The following CCNK variants were observed in gnomAD, a reference collection of about 807,000 sequenced individuals.
CCNK encodes the protein cyclin K.
A neutral mutation model predicts 65.0 loss-of-function variants in CCNK; 9 were observed. The observed-to-expected ratio is 0.14, with a 90% CI of 0.08 to 0.24. The LOEUF is 0.24. CCNK is among the 10% of genes least tolerant of loss of function. The pLI is 1.00. For synonymous variants in CCNK, 279 were observed against 270.8 expected (o/e 1.03, Z -0.30); for missense variants, 474 against 720.0 (o/e 0.66, Z 3.91).
At chr14:99,502,648 A>AT (rs1896863256) in intron 7 of CCNK, 71 bp from the exon 8 acceptor site, 3 of 1,454,434 alleles carry the variant, frequency 2.1e-6, no homozygotes, top group Non-Finnish European at 2.9e-6. Flanking sequence ...ATCATAACTG[A>AT]TTCTTTATCC....
At chr14:99,501,596 T>C in intron 6 of CCNK, 183 bp downstream of exon 6, 1 of 580,202 alleles carries the variant, frequency 1.7e-6, no homozygotes, top group East Asian at 2.9e-5. Context: ...GAGGGTTTCC[T>C]TCTGCCCTGC....
chr14:99,494,531 T>A (rs746282451), intron 3 of CCNK: 3 of 152,202 alleles, frequency 2.0e-5, no homozygotes, highest in Non-Finnish European at 2.9e-5. Context: ...GAGACCATGT[T>A]GGAATCAGTT....
intron 1 of CCNK, among the ~76,000 whole-genome samples, chr14:99,487,623 A>G (rs1896518005): frequency 6.6e-6 from 1 of 152,254 alleles, no homozygotes; most frequent in Non-Finnish European, 1.5e-5. Context: ...GTCATCGCAC[A>G]GTCCTTCAAA....
intron 1 of CCNK, chr14:99,491,860 C>T (rs79272147): frequency 6.6e-6 from 1 of 152,250 alleles, no homozygotes; most frequent in Admixed American, 6.5e-5. Context: ...GTCTCTGATC[C>T]AGGTTACAAA....
rs765350035 is a variant in CCNK at position 99,500,746 on chromosome 14, C to T, written c.412-20C>T. 2 of 1,448,608 alleles carry T rather than the reference C, an allele frequency of 1.4e-6. No homozygotes were observed. The highest frequency in any genetic ancestry group is 1.2e-5 in the South Asian group (1 of 81,942). 89.7% of individuals were successfully genotyped at this position (1,448,608 alleles called of 1,614,324 possible). A position where few individuals can be genotyped will look rare whatever the true frequency, so the allele number is the denominator to read the frequency against. ...CCTGCAATTGTAATTACTGTCCTAACATTTGTGATTGATTTTTAGGAGGAA... is the reference window on the plus strand; with the variant it reads ...CCTGCAATTGTAATTACTGTCCTAATATTTGTGATTGATTTTTAGGAGGAA... On this transcript the variant is annotated intron_variant, in intron 4 of 10. Coordinates refer to ENST00000389879, the MANE Select transcript of CCNK (RefSeq NM_001099402.2).
At chr14:99,496,736 C>CT (rs1214677674) in intron 4 of CCNK, among the ~76,000 whole-genome samples, 2 of 149,328 alleles carry the variant, frequency 1.3e-5, no homozygotes, top group Non-Finnish European at 3.0e-5. Context: ...ACTAATATTA[C>CT]TTTAAAAAAA....
chr14:99,497,092 C>G (rs538936756), intron 4 of CCNK, among the ~76,000 whole-genome samples: 22 of 151,312 alleles, frequency 1.5e-4, no homozygotes, highest in Non-Finnish European at 2.4e-4. Flanking sequence ...CCTGCATTGA[C>G]ACATCACCCA....
chr14:99,489,806 A>T (rs984521959), intron 1 of CCNK, among the ~76,000 whole-genome samples: 1 of 152,260 alleles, frequency 6.6e-6, no homozygotes, highest in African/African-American at 2.4e-5. Flanking sequence ...TAATGGCCAC[A>T]TTGGAATAAT....
At chr14:99,489,463 G>A (rs1896556234) in intron 1 of CCNK, among the ~76,000 whole-genome samples, 2 of 152,288 alleles carry the variant, frequency 1.3e-5, no homozygotes, top group Middle Eastern at 3.4e-3. Context: ...CCAGGAGTTC[G>A]ATGCTGCAGT....
chr14:99,496,754 T>G (rs1010867616), intron 4 of CCNK, among the ~76,000 whole-genome samples: 1 of 150,004 alleles, frequency 6.7e-6, no homozygotes, highest in African/African-American at 2.5e-5. Context: ...AAAAAAAACC[T>G]TTATTATTTT....
chr14:99,497,102 A>G (rs1445904463), intron 4 of CCNK, among the ~76,000 whole-genome samples: 1 of 151,370 alleles, frequency 6.6e-6, no homozygotes, highest in African/African-American at 2.4e-5. Context: ...CACATCACCC[A>G]GAGTCCAAAC....
At chr14:99,485,637 A>G (rs994467251) in intron 1 of CCNK, among the ~76,000 whole-genome samples, 3 of 152,224 alleles carry the variant, frequency 2.0e-5, no homozygotes, top group Admixed American at 6.5e-5. Flanking sequence ...AAACCAAAAC[A>G]ATAACAAAAC....
intron 4 of CCNK, 163 bp from the exon 5 acceptor site, chr14:99,500,603 T>A (rs1436637136): frequency 6.6e-6 from 4 of 606,560 alleles, no homozygotes; most frequent in Non-Finnish European, 1.2e-5. Flanking sequence ...TTTATCAGTG[T>A]CTCTGAGCAT....
intron 6 of CCNK, chr14:99,501,727 T>C (rs751470489): frequency 2.8e-5 from 9 of 324,758 alleles, no homozygotes; most frequent in Non-Finnish European, 4.5e-5. Context: ...TGCAAAAATA[T>C]ACTTCCTGGT....
intron 3 of CCNK, 58 bp downstream of exon 3, chr14:99,493,653 T>C (rs983027300): frequency 1.7e-6 from 2 of 1,159,414 alleles, no homozygotes; most frequent in Non-Finnish European, 2.6e-6. Context: ...CCACACAGTT[T>C]GGTGGACTAA....
At chr14:99,482,859 C>A (rs1430471879) in intron 1 of CCNK, among the ~76,000 whole-genome samples, 1 of 51,598 alleles carries the variant, frequency 1.9e-5, no homozygotes, top group Non-Finnish European at 4.4e-5. Flanking sequence ...AAAGCAGTGA[C>A]TCTGCTGAGT....
intron 1 of CCNK, among the ~76,000 whole-genome samples, chr14:99,487,315 A>G (rs905042354): frequency 2.6e-5 from 4 of 152,212 alleles, no homozygotes; most frequent in African/African-American, 7.2e-5. Flanking sequence ...CTTTGGCACT[A>G]TTGACATGTT....
chr14:99,483,424 A>T (rs1896405606), intron 1 of CCNK, among the ~76,000 whole-genome samples: 1 of 152,156 alleles, frequency 6.6e-6, no homozygotes, highest in Non-Finnish European at 1.5e-5. Flanking sequence ...GTGGAGGTGC[A>T]TGCCTGTAGT....
intron 8 of CCNK, 28 bp downstream of exon 8, chr14:99,503,012 A>G: frequency 6.2e-7 from 1 of 1,613,398 alleles, no homozygotes; most frequent in Non-Finnish European, 8.5e-7. Context: ...GGCCCTGGGT[A>G]GAGCAGGCTT....
Sources: gnomAD v4.1 joint callset for allele counts (sites outside exome capture counted in the v4.1 genomes callset) on GRCh38, gnomAD v4.1.1 for gene constraint, MANE v1.5 for transcripts, NCBI Gene and HGNC (gene_info 2026-07-23, HGNC 2026-07-21) for gene names.